Variants in ACTR5 observed in about 807,000 individuals in gnomAD.
ACTR5 encodes actin related protein 5.
A neutral mutation model predicts 61.2 loss-of-function variants in ACTR5; 43 were observed. The ratio of observed to expected loss-of-function variants is 0.70; its 90% CI spans 0.55 to 0.91. The LOEUF (loss-of-function observed/expected upper bound fraction) is 0.91. Among genes scored for constraint, ACTR5 ranks in the 40% least tolerant of loss-of-function variants. The pLI, the probability that ACTR5 is intolerant of heterozygous loss-of-function variation, is 0.00. For missense variants in ACTR5, 798 were observed against 782.2 expected (o/e 1.02, Z -0.24); for synonymous variants, 333 against 310.5 (o/e 1.07, Z -0.76).
intron 8 of ACTR5, among the ~76,000 whole-genome samples, chr20:38,771,044 C>T (rs189047378): frequency 3.9e-5 from 6 of 152,350 alleles, no homozygotes; most frequent in African/African-American, 1.2e-4. Context: ...AACCCCAGCC[C>T]AACTCCAGTG....
rs767232941 is a variant in ACTR5 at position 38,748,855 on chromosome 20, T to G, written c.375+2T>G. The G allele has an allele frequency of 6.2e-7, 1 of 1,604,418 alleles. No homozygotes were observed. The highest frequency in any genetic ancestry group is 1.7e-5 in the Admixed American group (1 of 59,274). On this transcript the variant is annotated splice_donor_variant, in intron 1 of 8. Transcript: ENST00000243903. LOFTEE classifies it high-confidence loss of function. ...CAGCACCTGGGTGTCTCCTCACAGG[T>G]GAAGGGCGGAGTAGGCTGGGCTGGG...
chr20:38,758,944 T>A (rs10485650), intron 5 of ACTR5, among the ~76,000 whole-genome samples: 1 of 152,158 alleles, frequency 6.6e-6, no homozygotes, highest in Non-Finnish European at 1.5e-5. Flanking sequence ...AATAGAGGTC[T>A]CGAAAATCTA....
Position 38,771,802 on chromosome 20 carries a change from G to C in ACTR5, c.1810G>C (p.Gly604Arg), listed in dbSNP as rs774698323. The change falls in exon 9 of 9, where the codon GGT becomes CGT. Residue 604 changes from glycine to arginine, a missense_variant. By Grantham distance (125) the Gly-to-Arg change is moderately radical. Coordinates refer to ENST00000243903, the MANE Select transcript of ACTR5 (RefSeq NM_024855.4). Reference protein sequence around the residue: ...KGSAAGGGGAGEQA With the variant: ...KGSAAGGGGAREQA ...CTCCGCTGCTGGTGGAGGTGGTGCT[G>C]GTGAGCAGGCATAGCAGAGGCCCTC... 2.5e-6 allele frequency: 4 copies of C among 1,612,052 alleles called. No individual in the cohort carries two copies. Among genetic ancestry groups the C allele is most frequent in the Non-Finnish European group, 3.4e-6 (4 of 1,179,634 alleles).
At position 38,748,512 on chromosome 20, in the gene ACTR5, C is replaced by A; in HGVS notation, c.34C>A (p.Arg12Ser). Reference sequence around the variant, plus strand: ...GAACGTGTTCCCGTTCCGCGACGCCCGTGCCGCACCGGACCCAGTGCTGGA... The same window carrying A: ...GAACGTGTTCCCGTTCCGCGACGCCAGTGCCGCACCGGACCCAGTGCTGGA... The part of the protein sequence containing the change: ...AANVFPFRDA[R>S]AAPDPVLEAG... Residue 12 changes from arginine to serine, a missense_variant, in exon 1 of 9, where the codon CGT (arginine) becomes AGT (serine). Physicochemically the swap from Arg to Ser is moderately radical, Grantham distance 110. Transcript: ENST00000243903. The A allele has an allele frequency of 1.3e-6, 2 of 1,497,618 alleles. No homozygotes were observed. Among genetic ancestry groups the A allele is most frequent in the Non-Finnish European group, 1.8e-6 (2 of 1,129,596 alleles). The allele number at this position is 1,497,618 out of a possible 1,614,324, so 92.8% of individuals were successfully genotyped here.
At chr20:38,756,609 A>G (rs540502842) in intron 5 of ACTR5, among the ~76,000 whole-genome samples, 1 of 152,304 alleles carries the variant, frequency 6.6e-6, no homozygotes, top group African/African-American at 2.4e-5. Flanking sequence ...TGCACTGTTA[A>G]TAAGTGTTTT....
At chr20:38,756,155 G>A in intron 5 of ACTR5, 116 bp downstream of exon 5, 1 of 1,208,948 alleles carries the variant, frequency 8.3e-7, no homozygotes. Context: ...AGGGGATGTG[G>A]GTGGTGGTGG....
rs2084418221 is a variant in ACTR5, at chr20:38,756,022, G to A, written c.1159G>A (p.Val387Ile). ...QAEVNLEVDV[V>I]DSKPETPDLE... Reference sequence around the variant, plus strand: ...GGAAGTCAACCTCGAGGTGGATGTGGTAGACAGCAAGCCAGAGGTAACTTA... The same window carrying A: ...GGAAGTCAACCTCGAGGTGGATGTGATAGACAGCAAGCCAGAGGTAACTTA... Residue 387 changes from valine to isoleucine, a missense_variant, in exon 5 of 9, where the codon GTA (valine) becomes ATA (isoleucine). Val to Ile is a conservative substitution (Grantham distance 29). Transcript: ENST00000243903. 1 of 1,612,760 alleles carries A rather than the reference G, an allele frequency of 6.2e-7. No homozygotes were observed. The highest frequency in any genetic ancestry group is 1.3e-5 in the African/African-American group (1 of 74,866).
intron 3 of ACTR5, among the ~76,000 whole-genome samples, chr20:38,753,068 C>T (rs1028616879): frequency 2.6e-5 from 4 of 152,098 alleles, no homozygotes; most frequent in Non-Finnish European, 5.9e-5. Flanking sequence ...AAAGAAGTTG[C>T]GGGAGACAGA....
intron 5 of ACTR5, among the ~76,000 whole-genome samples, chr20:38,763,976 T>C (rs571491439): frequency 3.9e-5 from 6 of 152,272 alleles, no homozygotes; most frequent in Admixed American, 1.3e-4. Context: ...CCTCAAATAC[T>C]GTAGAATCAT....
In ACTR5 at chr20:38,768,215, G is replaced by A. The variant is rs151028096; in HGVS notation, c.1566+619G>A. ...CTTTGGCTGTCTCAGTGGTAGGAAG[G>A]GGGTAATCGGTACCTGTTGCTGGGA... On this transcript the variant is annotated intron_variant, in intron 8 of 8. Coordinates refer to ENST00000243903, the MANE Select transcript of ACTR5 (RefSeq NM_024855.4). 7.8e-3 allele frequency among the ~76,000 whole-genome samples: 1,195 copies of A among 152,270 alleles called. 4 individuals are homozygous for A. The highest frequency in any genetic ancestry group is 0.012 in the Non-Finnish European group (847 of 68,024).
chr20:38,763,041 A>G (rs2084464256), intron 5 of ACTR5, among the ~76,000 whole-genome samples: 1 of 152,196 alleles, frequency 6.6e-6, no homozygotes, highest in African/African-American at 2.4e-5. Context: ...CCACTTTTAC[A>G]TAGATGGAGA....
Position 38,752,194 on chromosome 20 carries a change from G to C in ACTR5, c.669G>C (p.Gln223His), listed in dbSNP as rs1315869410. ...GAAGCCAAGCAGCTGGTTACCTCCA[G>C]CGTCTCCTCCAGCTGAAGTACCCTG... ...LGGSQAAGYL[Q>H]RLLQLKYPGH... The change falls in exon 3 of 9, where the codon CAG becomes CAC. Residue 223 changes from glutamine (Q) to histidine (H), a missense_variant. Gln to His is a conservative substitution (Grantham distance 24). Coordinates refer to ENST00000243903, the MANE Select transcript of ACTR5 (RefSeq NM_024855.4). 6 of 1,613,982 alleles carry C rather than the reference G, an allele frequency of 3.7e-6. No homozygotes were observed. Among genetic ancestry groups the C allele is most frequent in the Non-Finnish European group, 5.1e-6 (6 of 1,179,976 alleles).
At chr20:38,756,241 GC>G (rs1422318856) in intron 5 of ACTR5, among the ~76,000 whole-genome samples, 1 of 152,178 alleles carries the variant, frequency 6.6e-6, no homozygotes, top group Non-Finnish European at 1.5e-5. Context: ...ACCCCTGAGC[GC>G]AGAAAGTGCA....
At chr20:38,759,759 G>A (rs897049104) in intron 5 of ACTR5, among the ~76,000 whole-genome samples, 6 of 152,158 alleles carry the variant, frequency 3.9e-5, no homozygotes, top group African/African-American at 1.4e-4. Context: ...AAAAATGAGG[G>A]CTATAGCACC....
intron 5 of ACTR5, among the ~76,000 whole-genome samples, chr20:38,757,339 G>A (rs1482590352): frequency 6.6e-6 from 1 of 152,136 alleles, no homozygotes; most frequent in African/African-American, 2.4e-5. Flanking sequence ...TGGTTGAGTC[G>A]CCTGCCTTTA....
At chr20:38,749,607 A>G (rs1166550644) in intron 1 of ACTR5, among the ~76,000 whole-genome samples, 1 of 152,216 alleles carries the variant, frequency 6.6e-6, no homozygotes, top group Non-Finnish European at 1.5e-5. Flanking sequence ...AAGGATCACT[A>G]TTACTGCTGT....
At chr20:38,767,882 T>C (rs542119576) in intron 8 of ACTR5, among the ~76,000 whole-genome samples, 18 of 152,174 alleles carry the variant, frequency 1.2e-4, no homozygotes, top group Middle Eastern at 3.4e-3. Context: ...CCTGTAGACA[T>C]TGTGGGGCAT....
intron 5 of ACTR5, 29 bp from the exon 6 acceptor site, chr20:38,765,373 G>A (rs1439029702): frequency 5.2e-6 from 8 of 1,537,134 alleles, no homozygotes; most frequent in Non-Finnish European, 6.3e-6. Flanking sequence ...GAAGGTACAG[G>A]TTCTGTTTCA....
chr20:38,767,359 G>A (rs1188257213), intron 7 of ACTR5, 105 bp from the exon 8 acceptor site: 3 of 910,638 alleles, frequency 3.3e-6, no homozygotes, highest in African/African-American at 1.7e-5. Flanking sequence ...TTAGCTTTTT[G>A]TGTAGAAGTT....
Sources: allele counts gnomAD v4.1 joint callset (sites outside exome capture counted in the v4.1 genomes callset), GRCh38; gene constraint gnomAD v4.1.1; transcripts MANE v1.5; gene names NCBI Gene and HGNC (gene_info 2026-07-23, HGNC 2026-07-21).